The following COMMD1 variants were observed in gnomAD, a reference collection of about 807,000 sequenced individuals.
COMMD1 encodes the protein COMM domain-containing protein 1.
Under a neutral mutation model 17.2 loss-of-function variants are expected in COMMD1, and 10 were observed. The observed-to-expected ratio is 0.58, with a 90% CI of 0.36 to 0.99. The LOEUF (loss-of-function observed/expected upper bound fraction) is 0.99, where lower values mean the gene tolerates loss of function less well. COMMD1 is among the 50% of genes least tolerant of loss of function. COMMD1 has a pLI of 0.01. For synonymous variants in COMMD1, 97 were observed against 91.6 expected, an observed-to-expected ratio of 1.06 and a Z score of -0.34; for missense variants, 270 against 231.8, an observed-to-expected ratio of 1.17 and a Z score of -1.07.
intron 2 of COMMD1, among the ~76,000 whole-genome samples, chr2:62,068,957 A>C (rs1558585468): frequency 6.6e-6 from 1 of 151,928 alleles, no homozygotes; most frequent in African/African-American, 2.4e-5. Context: ...TTATAATCTT[A>C]AGATAGGTGA....
chr2:61,891,236 A>G (rs565207412), intron 1 of COMMD1, among the ~76,000 whole-genome samples: 1 of 152,326 alleles, frequency 6.6e-6, no homozygotes, highest in East Asian at 1.9e-4. Context: ...GGAAGATGCC[A>G]TTATTGGCTT....
At chr2:61,962,541 G>A (rs569701709) in intron 1 of COMMD1, among the ~76,000 whole-genome samples, 4 of 152,128 alleles carry the variant, frequency 2.6e-5, no homozygotes, top group Non-Finnish European at 4.4e-5. Flanking sequence ...TGACCTCCGG[G>A]GAGGATAAGG....
At chr2:62,083,873 A>G (rs866736260) in intron 2 of COMMD1, among the ~76,000 whole-genome samples, 5 of 152,240 alleles carry the variant, frequency 3.3e-5, no homozygotes, top group Non-Finnish European at 7.3e-5. Context: ...TAGTTCCTAG[A>G]GACTAGAAGA....
At chr2:62,085,886 G>A (rs1366463961) in intron 2 of COMMD1, among the ~76,000 whole-genome samples, 12 of 152,146 alleles carry the variant, frequency 7.9e-5, no homozygotes, top group Admixed American at 7.9e-4. Flanking sequence ...GCTGAGGCAG[G>A]AGAATGGCGT....
intron 1 of COMMD1, among the ~76,000 whole-genome samples, chr2:61,988,857 CT>C (rs2103773312): frequency 6.6e-6 from 1 of 152,296 alleles, no homozygotes; most frequent in South Asian, 2.1e-4. Context: ...AGCAATCCCA[CT>C]TTGGCTAGAG....
At chr2:61,952,359 G>T (rs1572995998) in intron 1 of COMMD1, among the ~76,000 whole-genome samples, 2 of 152,098 alleles carry the variant, frequency 1.3e-5, no homozygotes, top group East Asian at 3.9e-4. Flanking sequence ...GGAGTCCTGT[G>T]GCCAGAGGTG....
intron 2 of COMMD1, among the ~76,000 whole-genome samples, chr2:62,130,178 A>C (rs1558611991): frequency 1.3e-5 from 2 of 151,686 alleles, no homozygotes; most frequent in South Asian, 4.1e-4. Flanking sequence ...AACAAACAAA[A>C]AAACAAACAA....
At chr2:61,977,414 T>G (rs1229793407) in intron 1 of COMMD1, among the ~76,000 whole-genome samples, 1 of 151,586 alleles carries the variant, frequency 6.6e-6, no homozygotes, top group Non-Finnish European at 1.5e-5. Flanking sequence ...CTGGCTAATT[T>G]TGTATTTTTA....
chr2:62,009,525 A>C (rs1313838556), intron 2 of COMMD1, among the ~76,000 whole-genome samples: 1 of 151,738 alleles, frequency 6.6e-6, no homozygotes, highest in East Asian at 1.9e-4. Context: ...GAATCGCTTG[A>C]ACTGGGAGGC....
intron 2 of COMMD1, among the ~76,000 whole-genome samples, chr2:62,013,349 A>G (rs550358759): frequency 6.6e-6 from 1 of 152,318 alleles, no homozygotes; most frequent in South Asian, 2.1e-4. Context: ...TGGAGCCAAT[A>G]TTAATATTCC....
At chr2:61,894,462 T>A (rs914249967) in intron 1 of COMMD1, among the ~76,000 whole-genome samples, 2 of 151,016 alleles carry the variant, frequency 1.3e-5, no homozygotes, top group Non-Finnish European at 2.9e-5. Flanking sequence ...AAAAAAAAAA[T>A]ATTAATCAAG....
intron 2 of COMMD1, among the ~76,000 whole-genome samples, chr2:62,044,431 T>G (rs889425191): frequency 2.0e-5 from 3 of 152,236 alleles, no homozygotes; most frequent in Admixed American, 1.3e-4. Context: ...GTGTTCTGCC[T>G]TGATCCTTTT....
intron 1 of COMMD1, among the ~76,000 whole-genome samples, chr2:61,980,567 A>G (rs1671926561): frequency 1.4e-5 from 2 of 138,962 alleles, no homozygotes; most frequent in South Asian, 4.9e-4. Context: ...GTGTCTGTTC[A>G]TGTCCTTCGC....
upstream of COMMD1, among the ~76,000 whole-genome samples, chr2:61,903,458 G>C (rs1242280007): frequency 2.0e-5 from 3 of 149,544 alleles, no homozygotes; most frequent in Non-Finnish European, 3.0e-5. Flanking sequence ...AAAAAAAAAA[G>C]AATACCTCTT....
In COMMD1 at chr2:62,072,235, A is replaced by C. The variant is rs528743572; in HGVS notation, c.463-63596A>C. ...GTGAAACCCAACCTTCAAACCAAAG[A>C]CAAATTAAAGCCTGAAAACCAAGCT... On this transcript the variant is annotated intron_variant, in intron 2 of 2. Transcript: ENST00000311832. Among the ~76,000 whole-genome samples the C allele has an allele frequency of 6.6e-5, 10 of 152,254 alleles. No individual in the cohort carries two copies. In the South Asian group the frequency reaches 2.1e-3, roughly 32 times the overall value.
At position 62,067,117 on chromosome 2, in the gene COMMD1, A is replaced by G. The variant is rs181036896; in HGVS notation, c.462+66135A>G. On this transcript the variant is annotated intron_variant, in intron 2 of 2. Coordinates refer to ENST00000311832, the MANE Select transcript of COMMD1 (RefSeq NM_152516.4). Reference sequence around the variant, plus strand: ...GCTCATGCCTGTAATCCCAGCTACTAAAGAGGCTGAGGCAGGAGAATCGCT... The same window carrying G: ...GCTCATGCCTGTAATCCCAGCTACTGAAGAGGCTGAGGCAGGAGAATCGCT... 2.6e-3 allele frequency among the ~76,000 whole-genome samples: 401 copies of G among 151,988 alleles called. 1 individual carries two copies. Among genetic ancestry groups the G allele is most frequent in the Admixed American group, 4.8e-3 (74 of 15,266 alleles).
At chr2:62,016,063 C>T (rs1669435819) in intron 2 of COMMD1, among the ~76,000 whole-genome samples, 2 of 151,940 alleles carry the variant, frequency 1.3e-5, no homozygotes, top group African/African-American at 4.8e-5. Context: ...GAACGCCTGA[C>T]CTCAGGCAAT....
rs568269133 is a variant in COMMD1 at position 62,026,638 on chromosome 2, C to G, written c.462+25656C>G. Among the ~76,000 whole-genome samples the G allele has an allele frequency of 1.5e-4, 23 of 152,196 alleles. No individual in the cohort carries two copies. The South Asian group carries it at 4.8e-3, about 32-fold the overall frequency. On this transcript the variant is annotated intron_variant, in intron 2 of 2. Coordinates refer to ENST00000311832, the MANE Select transcript of COMMD1 (RefSeq NM_152516.4). ...GGAACTATATCTTACCCCTTGATAC[C>G]AAAGCCACTGTATTCTTTAGGGAGA...
chr2:61,893,581 A>T (rs1669484615), intron 1 of COMMD1, among the ~76,000 whole-genome samples: 1 of 152,204 alleles, frequency 6.6e-6, no homozygotes, highest in South Asian at 2.1e-4. Context: ...TGGGAGGCTG[A>T]GGCAGGCAGA....
Sources: allele counts gnomAD v4.1 joint callset (sites outside exome capture counted in the v4.1 genomes callset), GRCh38; gene constraint gnomAD v4.1.1; transcripts MANE v1.5; gene names NCBI Gene and HGNC (gene_info 2026-07-23, HGNC 2026-07-21).